RAB30: variants seen among roughly 807,000 people sequenced by gnomAD.
RAB30 encodes ras-related protein Rab-30.
In RAB30, 9 loss-of-function variants were observed where a neutral mutation model predicts 25.1. The observed-to-expected ratio is 0.36, with a 90% CI of 0.22 to 0.63. The LOEUF is 0.63. Ranked by LOEUF, RAB30 falls within the 20% of genes least tolerant of loss-of-function variation. The pLI is 0.69. For synonymous variants in RAB30, 77 were observed against 86.4 expected, an observed-to-expected ratio of 0.89 and a Z score of 0.60; for missense variants, 140 against 243.5, an observed-to-expected ratio of 0.58 and a Z score of 2.83.
intron 1 of RAB30, among the ~76,000 whole-genome samples, chr11:82,998,710 TG>T (rs1857012743): frequency 7.2e-6 from 1 of 139,598 alleles, no homozygotes; most frequent in African/African-American, 2.9e-5. Flanking sequence ...AGTTAAATAA[TG>T]AAAAAAAAAA....
chr11:82,992,829 A>G (rs534116874), intron 3 of RAB30, among the ~76,000 whole-genome samples: 1 of 151,420 alleles, frequency 6.6e-6, no homozygotes, highest in Non-Finnish European at 1.5e-5. Context: ...CTCACTGCAG[A>G]CTCAACTTCC....
chr11:82,990,175 T>C (rs1409681455), intron 3 of RAB30, among the ~76,000 whole-genome samples: 3 of 152,228 alleles, frequency 2.0e-5, no homozygotes, highest in African/African-American at 7.2e-5. Context: ...TACTCTCTTC[T>C]CTGCACCACT....
intron 1 of RAB30, among the ~76,000 whole-genome samples, chr11:83,013,956 T>C (rs1288123589): frequency 3.3e-5 from 5 of 152,240 alleles, no homozygotes; most frequent in Non-Finnish European, 7.3e-5. Flanking sequence ...CTCTCCATTT[T>C]ACAGGTGAGA....
At chr11:83,017,511 T>C (rs1187074788) in intron 1 of RAB30, among the ~76,000 whole-genome samples, 1 of 152,130 alleles carries the variant, frequency 6.6e-6, no homozygotes, top group African/African-American at 2.4e-5. Flanking sequence ...ACCCAATGTG[T>C]AGTCTTTTAT....
At chr11:83,056,278 G>C (rs963228316) in intron 1 of RAB30, among the ~76,000 whole-genome samples, 1 of 152,138 alleles carries the variant, frequency 6.6e-6, no homozygotes, top group African/African-American at 2.4e-5. Context: ...CATACAAAAT[G>C]TGTTTTTTTG....
At chr11:83,066,839 A>G (rs1858710776) in intron 1 of RAB30, among the ~76,000 whole-genome samples, 2 of 152,234 alleles carry the variant, frequency 1.3e-5, no homozygotes, top group Admixed American at 1.3e-4. Flanking sequence ...GGCGTGAGCC[A>G]CTGTGCCTGG....
intron 1 of RAB30, among the ~76,000 whole-genome samples, chr11:83,070,819 T>C (rs1022133190): frequency 6.6e-6 from 1 of 152,218 alleles, no homozygotes; most frequent in African/African-American, 2.4e-5. Flanking sequence ...TAACTTTCCC[T>C]TTCTCTAATG....
At chr11:82,990,880 T>C (rs1001484934) in intron 3 of RAB30, among the ~76,000 whole-genome samples, 3 of 152,216 alleles carry the variant, frequency 2.0e-5, no homozygotes, top group Non-Finnish European at 4.4e-5. Context: ...GTCACCTTCA[T>C]AATGCAGACC....
chr11:82,994,868 G>A (rs145508256), intron 2 of RAB30, among the ~76,000 whole-genome samples: 1 of 152,128 alleles, frequency 6.6e-6, no homozygotes, highest in African/African-American at 2.4e-5. Flanking sequence ...GCAGCCTTAG[G>A]ATCTCTGTGT....
At chr11:82,991,115 T>A (rs908064613) in intron 3 of RAB30, among the ~76,000 whole-genome samples, 1 of 152,120 alleles carries the variant, frequency 6.6e-6, no homozygotes, top group African/African-American at 2.4e-5. Context: ...GATTCTCTTA[T>A]CCACTGACTT....
At chr11:83,030,668 G>A (rs991797750) in intron 1 of RAB30, among the ~76,000 whole-genome samples, 34 of 152,006 alleles carry the variant, frequency 2.2e-4, no homozygotes, top group Non-Finnish European at 3.4e-4. Context: ...ATGGTGGCAC[G>A]CACCTGTAAT....
At chr11:83,024,522 T>C (rs1857662834) in intron 1 of RAB30, among the ~76,000 whole-genome samples, 1 of 152,296 alleles carries the variant, frequency 6.6e-6, no homozygotes, top group East Asian at 1.9e-4. Flanking sequence ...ATATAACATG[T>C]ACAAAAAATG....
chr11:83,057,462 T>C (rs1858480576), intron 1 of RAB30, among the ~76,000 whole-genome samples: 1 of 152,178 alleles, frequency 6.6e-6, no homozygotes, highest in African/African-American at 2.4e-5. Flanking sequence ...GTTCTTGAGT[T>C]TTGGAAGGAA....
chr11:83,027,672 GA>G (rs927339459), intron 1 of RAB30, among the ~76,000 whole-genome samples: 1 of 151,566 alleles, frequency 6.6e-6, no homozygotes, highest in Non-Finnish European at 1.5e-5. Context: ...GGAACTAAAT[GA>G]AAAAAAATAA....
chr11:83,056,807 A>T (rs1361212873), intron 1 of RAB30, among the ~76,000 whole-genome samples: 1 of 152,234 alleles, frequency 6.6e-6, no homozygotes, highest in Non-Finnish European at 1.5e-5. Flanking sequence ...ATGATATAAC[A>T]TGTTAACACA....
rs557281163 is a variant in RAB30, at chr11:82,982,051, C to T, written c.*114G>A. On this transcript the variant is annotated 3_prime_UTR_variant, in exon 5 of 5. Coordinates refer to ENST00000527633, the MANE Select transcript of RAB30 (RefSeq NM_001286060.2). ...TGCCATGCTTTGTAAGCTCAGGAGC[C>T]CACAGGAGTCAGAAGGTCAGAGAGC... 3.5e-6 allele frequency: 5 copies of T among 1,426,518 alleles called. No individual in the cohort carries two copies. Among genetic ancestry groups the T allele is most frequent in the South Asian group, 1.3e-5 (1 of 76,524 alleles). The allele number at this position is 1,426,518 out of a possible 1,614,324, so 88.4% of individuals were successfully genotyped here.
intron 3 of RAB30, among the ~76,000 whole-genome samples, chr11:82,990,271 G>C: frequency 6.6e-6 from 1 of 152,204 alleles, no homozygotes; most frequent in Non-Finnish European, 1.5e-5. Flanking sequence ...GAGAGCAAAG[G>C]CTGTCTTTTA....
intron 1 of RAB30, chr11:83,035,441 T>G (rs1279381400): frequency 1.3e-5 from 2 of 152,444 alleles, no homozygotes; most frequent in Non-Finnish European, 2.9e-5. Flanking sequence ...TGTCCCGACA[T>G]GAGTGAAGGA....
chr11:83,050,372 T>G (rs946223167), intron 1 of RAB30, among the ~76,000 whole-genome samples: 3 of 152,152 alleles, frequency 2.0e-5, no homozygotes, highest in Non-Finnish European at 4.4e-5. Flanking sequence ...AACCTTGAGG[T>G]TCTATAAGAG....
Sources: allele counts gnomAD v4.1 joint callset (sites outside exome capture counted in the v4.1 genomes callset), GRCh38; gene constraint gnomAD v4.1.1; transcripts MANE v1.5; gene names NCBI Gene and HGNC (gene_info 2026-07-23, HGNC 2026-07-21).